Variants in LRRC58 observed in about 807,000 individuals in gnomAD.
The protein encoded by LRRC58 is leucine-rich repeat-containing protein 58.
A neutral mutation model predicts 30.6 loss-of-function variants in LRRC58; 18 were observed. The ratio of observed to expected loss-of-function variants is 0.59; its 90% CI spans 0.41 to 0.87. LRRC58 has a LOEUF of 0.87. LRRC58 is among the 40% of genes least tolerant of loss of function. The probability of loss-of-function intolerance (pLI) is 0.00; values close to 1 mark genes in which losing one functional copy is unlikely to be tolerated. For missense variants in LRRC58, 420 were observed against 468.4 expected (o/e 0.90, Z 0.95); for synonymous variants, 221 against 206.0 (o/e 1.07, Z -0.62).
Position 120,346,424 on chromosome 3 carries a change from T to C in LRRC58, c.500+2320A>G, listed in dbSNP as rs760862531. ...ACAGTTCCAATGCTTACTAGCCTTG[T>C]AATCTTATGACTTAATTTCTCTGAG... is the stretch of plus-strand genomic sequence containing the variant. On this transcript the variant is annotated intron_variant, in intron 1 of 3. Coordinates refer to ENST00000295628, the MANE Select transcript of LRRC58 (RefSeq NM_001099678.2). Among the ~76,000 whole-genome samples the C allele has an allele frequency of 1.5e-4, 23 of 152,226 alleles. 1 individual carries two copies. The highest frequency in any genetic ancestry group is 1.2e-3 in the South Asian group (6 of 4,832).
chr3:120,345,806 C>T (rs181427096), intron 1 of LRRC58, among the ~76,000 whole-genome samples: 39 of 152,188 alleles, frequency 2.6e-4, no homozygotes, highest in Admixed American at 1.6e-3. Context: ...AAAACAGTGA[C>T]GTTAAAGATA....
At chr3:120,336,091 T>A (rs1935831599) in intron 1 of LRRC58, 138 bp from the exon 2 acceptor site, 1 of 625,976 alleles carries the variant, frequency 1.6e-6, no homozygotes, top group African/African-American at 1.8e-5. Context: ...CTATCCAGTC[T>A]CTAGAGAAAC....
chr3:120,341,970 TC>T (rs1349533387), intron 1 of LRRC58, among the ~76,000 whole-genome samples: 1 of 152,068 alleles, frequency 6.6e-6, no homozygotes, highest in Non-Finnish European at 1.5e-5. Context: ...GCAGCCGTCC[TC>T]CCAGGTGCAG....
chr3:120,327,320 C>G lies in LRRC58; in HGVS notation c.*3880G>C, dbSNP rs1198112637. 1 of 138,742 alleles carries G rather than the reference C, an allele frequency of 7.2e-6. No individual in the cohort carries two copies. Among genetic ancestry groups the G allele is most frequent in the Non-Finnish European group, 1.5e-5 (1 of 66,324 alleles). 8.6% of individuals were successfully genotyped at this position (138,742 alleles called of 1,614,324 possible). A position where few individuals can be genotyped will look rare whatever the true frequency, so the allele number is the denominator to read the frequency against. Reference sequence around the variant, plus strand: ...AGGCGGGAGTGCAGTGGCGCAATCTCGGCTCACTGCAAGCTCCGCCTCCCG... The same window carrying G: ...AGGCGGGAGTGCAGTGGCGCAATCTGGGCTCACTGCAAGCTCCGCCTCCCG... On this transcript the variant is annotated 3_prime_UTR_variant, in exon 4 of 4. Transcript: ENST00000295628.
Position 120,349,141 on chromosome 3 carries a change from G to A in LRRC58, c.103C>T (p.Arg35Trp), listed in dbSNP as rs1301040400. The change falls in exon 1 of 4, where the codon CGG (arginine) becomes TGG (tryptophan). Residue 35 changes from arginine to tryptophan, a missense_variant. Coordinates refer to ENST00000295628, the MANE Select transcript of LRRC58 (RefSeq NM_001099678.2). ...CGCGCCCCGCGCCGCTCCTCCCCCC[G>A]CGCCTCCAGCTCAGACTCCAGCGTC... ...TETLESELEA[R>W]GEERRGAREA... 3 of 1,503,940 alleles carry A rather than the reference G, an allele frequency of 2.0e-6. No individual in the cohort carries two copies. The highest frequency in any genetic ancestry group is 2.6e-6 in the Non-Finnish European group (3 of 1,134,862). 93.2% of individuals were successfully genotyped at this position (1,503,940 alleles called of 1,614,324 possible). A position where few individuals can be genotyped will look rare whatever the true frequency, so the allele number is the denominator to read the frequency against.
rs993862782 is a variant in LRRC58 at position 120,328,026 on chromosome 3, T to C, written c.*3174A>G. 1 of 152,200 alleles carries C rather than the reference T, an allele frequency of 6.6e-6. No individual in the cohort carries two copies. Among genetic ancestry groups the C allele is most frequent in the Non-Finnish European group, 1.5e-5 (1 of 68,034 alleles). The allele number at this position is 152,200 out of a possible 1,614,324, so 9.4% of individuals were successfully genotyped here. A position where few individuals can be genotyped will look rare whatever the true frequency, so the allele number is the denominator to read the frequency against. ...CCTCCCAAAGTGCTAAGATTATAGGTGTGTGCCACCGTGCCAAGTCTTTAC... is the reference window on the plus strand; with the variant it reads ...CCTCCCAAAGTGCTAAGATTATAGGCGTGTGCCACCGTGCCAAGTCTTTAC... On this transcript the variant is annotated 3_prime_UTR_variant, in exon 4 of 4. Transcript: ENST00000295628.
At chr3:120,334,821 T>C in intron 3 of LRRC58, 41 bp downstream of exon 3, 1 of 1,530,336 alleles carries the variant, frequency 6.5e-7, no homozygotes, top group Non-Finnish European at 8.8e-7. Flanking sequence ...ATTTAAAAAA[T>C]AGCTAAATAA....
chr3:120,337,698 G>T (rs1298189888), intron 1 of LRRC58, among the ~76,000 whole-genome samples: 2 of 151,926 alleles, frequency 1.3e-5, no homozygotes, highest in Non-Finnish European at 2.9e-5. Context: ...CTATAAACAT[G>T]ATTTTCCTTC....
intron 1 of LRRC58, among the ~76,000 whole-genome samples, chr3:120,347,826 T>C (rs1041991693): frequency 6.6e-6 from 1 of 152,220 alleles, no homozygotes; most frequent in Non-Finnish European, 1.5e-5. Context: ...TTTTGTACAA[T>C]ACATTTGGCT....
intron 3 of LRRC58, among the ~76,000 whole-genome samples, chr3:120,332,770 G>A (rs1034172420): frequency 2.7e-5 from 4 of 150,640 alleles, no homozygotes; most frequent in African/African-American, 9.8e-5. Flanking sequence ...TTTTTTAAGA[G>A]ACAGGGTTTC....
intron 1 of LRRC58, 150 bp downstream of exon 1, chr3:120,348,594 T>G: frequency 3.4e-6 from 3 of 875,984 alleles, no homozygotes; most frequent in South Asian, 2.1e-5. Context: ...AACAACTTGC[T>G]GAGATGGTTG....
At chr3:120,348,008 G>A (rs1241527458) in intron 1 of LRRC58, among the ~76,000 whole-genome samples, 1 of 152,168 alleles carries the variant, frequency 6.6e-6, no homozygotes, top group African/African-American at 2.4e-5. Context: ...GAAGCACAGA[G>A]AAAGTACAGC....
At chr3:120,343,856 C>A (rs1001058775) in intron 1 of LRRC58, among the ~76,000 whole-genome samples, 7 of 151,986 alleles carry the variant, frequency 4.6e-5, no homozygotes, top group Non-Finnish European at 2.9e-5. Context: ...ATGGTGAAAC[C>A]CCGTCTCTAC....
intron 3 of LRRC58, among the ~76,000 whole-genome samples, chr3:120,333,898 T>A (rs796922115): frequency 5.9e-5 from 9 of 152,290 alleles, no homozygotes; most frequent in African/African-American, 2.2e-4. Context: ...TATCCTCAAT[T>A]TTATCCTATC....
intron 1 of LRRC58, among the ~76,000 whole-genome samples, chr3:120,345,890 G>A (rs1559996198): frequency 6.6e-6 from 1 of 152,250 alleles, no homozygotes; most frequent in East Asian, 1.9e-4. Context: ...AGAAAACTGA[G>A]TCAGAAGATC....
rs1296135304 is a variant in LRRC58 at position 120,325,821 on chromosome 3, T to C, written c.*5379A>G. ...GGCACCAGATAAATTTTTTAAATAATATATAACAGAACATATCTTTTCAGT... is the reference window on the plus strand; with the variant it reads ...GGCACCAGATAAATTTTTTAAATAACATATAACAGAACATATCTTTTCAGT... On this transcript the variant is annotated 3_prime_UTR_variant, in exon 4 of 4. Transcript: ENST00000295628. 6.6e-6 allele frequency: 1 copy of C among 152,220 alleles called. No individual in the cohort carries two copies. The highest frequency in any genetic ancestry group is 1.5e-5 in the Non-Finnish European group (1 of 68,032). 9.4% of individuals were successfully genotyped at this position (152,220 alleles called of 1,614,324 possible).
chr3:120,341,263 T>C lies in LRRC58; in HGVS notation c.501-5310A>G, dbSNP rs6774133. Among the ~76,000 whole-genome samples, 195 of 152,268 alleles carry C rather than the reference T, an allele frequency of 1.3e-3. 1 individual carries two copies. Among genetic ancestry groups the C allele is most frequent in the African/African-American group, 4.5e-3 (189 of 41,546 alleles). ...GAACAGAACAGAACAGAATACAATA[T>C]TTGGAGTCCAAATAACAGAAACTAC... is the stretch of plus-strand genomic sequence containing the variant. On this transcript the variant is annotated intron_variant, in intron 1 of 3. Transcript: ENST00000295628.
rs1020789635 is a variant in LRRC58, at chr3:120,327,057, G to A, written c.*4143C>T. 1 of 152,116 alleles carries A rather than the reference G, an allele frequency of 6.6e-6. No individual in the cohort carries two copies. Among genetic ancestry groups the A allele is most frequent in the Non-Finnish European group, 1.5e-5 (1 of 68,034 alleles). 9.4% of individuals were successfully genotyped at this position (152,116 alleles called of 1,614,324 possible). A position where few individuals can be genotyped will look rare whatever the true frequency, so the allele number is the denominator to read the frequency against. ...ACTTGCTGGCCCTTAATTACGGAGG[G>A]ATATGGACAATCTCCCAATAGCAAA... is the stretch of plus-strand genomic sequence containing the variant. On this transcript the variant is annotated 3_prime_UTR_variant, in exon 4 of 4. Coordinates refer to ENST00000295628, the MANE Select transcript of LRRC58 (RefSeq NM_001099678.2).
In LRRC58 at chr3:120,330,970, A is replaced by G. The variant is rs1274299359; in HGVS notation, c.*230T>C. ...ACTTGAGTGAAAACTGCAAACCATC[A>G]GCCAAATGTGAAACTATCATTCACA... On this transcript the variant is annotated 3_prime_UTR_variant, in exon 4 of 4. Transcript: ENST00000295628. 8 of 507,446 alleles carry G rather than the reference A, an allele frequency of 1.6e-5. No homozygotes were observed. The highest frequency in any genetic ancestry group is 2.8e-5 in the Non-Finnish European group (8 of 281,148). 31.4% of individuals were successfully genotyped at this position (507,446 alleles called of 1,614,324 possible). A position where few individuals can be genotyped will look rare whatever the true frequency, so the allele number is the denominator to read the frequency against.
Sources: gnomAD v4.1 joint callset for allele counts (sites outside exome capture counted in the v4.1 genomes callset) on GRCh38, gnomAD v4.1.1 for gene constraint, MANE v1.5 for transcripts, NCBI Gene and HGNC (gene_info 2026-07-23, HGNC 2026-07-21) for gene names.